Variants in KCNQ1 observed in about 807,000 individuals in gnomAD.
KCNQ1 encodes potassium voltage-gated channel subfamily KQT member 1.
Under a neutral mutation model 72.4 loss-of-function variants are expected in KCNQ1, and 49 were observed. That is an observed-to-expected ratio of 0.68 (90% CI 0.54 to 0.86). KCNQ1 has a LOEUF of 0.86. Among genes scored for constraint, KCNQ1 ranks in the 40% least tolerant of loss-of-function variants. The pLI, the probability that KCNQ1 is intolerant of heterozygous loss-of-function variation, is 0.00. For missense variants in KCNQ1, 790 were observed against 945.1 expected, an observed-to-expected ratio of 0.84 and a Z score of 2.15; for synonymous variants, 450 against 412.6, an observed-to-expected ratio of 1.09 and a Z score of -1.10.
rs568395428 is a variant in KCNQ1 at position 2,498,216 on chromosome 11, C to G, written c.387-29712C>G. Among the ~76,000 whole-genome samples the G allele has an allele frequency of 4.6e-5, 7 of 152,276 alleles. No individual in the cohort carries two copies. The East Asian group carries it at 1.4e-3, about 29-fold the overall frequency. On this transcript the variant is annotated intron_variant, in intron 1 of 15. Coordinates refer to ENST00000155840, the MANE Select transcript of KCNQ1 (RefSeq NM_000218.3). The surrounding 1 kb of genome is among the most constrained non-coding windows in gnomAD (Gnocchi z 4.8). ...TCATGCACTGTGCTGCGAGAATCCCCCTTGTCAGGATCAGCTGCTCTCTTC... is the reference window on the plus strand; with the variant it reads ...TCATGCACTGTGCTGCGAGAATCCCGCTTGTCAGGATCAGCTGCTCTCTTC...
chr11:2,845,749 C>T (rs1848313114), intron 15 of KCNQ1, among the ~76,000 whole-genome samples: 1 of 152,164 alleles, frequency 6.6e-6, no homozygotes, highest in African/African-American at 2.4e-5. Context: ...GAAGTGGGTC[C>T]CCTGGGCTCC....
At chr11:2,776,823 G>C (rs1285957310) in intron 13 of KCNQ1, among the ~76,000 whole-genome samples, 163 bp from the exon 14 acceptor site, 1 of 152,218 alleles carries the variant, frequency 6.6e-6, no homozygotes, top group African/African-American at 2.4e-5. Flanking sequence ...CCCTCTGGGG[G>C]GTTGGGAGTG....
In KCNQ1 at chr11:2,751,514, G is replaced by A. The variant is rs796277667; in HGVS notation, c.1515-17330G>A. On this transcript the variant is annotated intron_variant, in intron 11 of 15. Transcript: ENST00000155840. ...GCGTCTCAGTGCAGAGGGCAGTGGAGGGACAGTGCAGCTCCGAAATGAGCA... is the reference window on the plus strand; with the variant it reads ...GCGTCTCAGTGCAGAGGGCAGTGGAAGGACAGTGCAGCTCCGAAATGAGCA... Among the ~76,000 whole-genome samples, 13 of 152,368 alleles carry A rather than the reference G, an allele frequency of 8.5e-5. No individual in the cohort carries two copies. In the South Asian group the frequency reaches 2.7e-3, roughly 32 times the overall value.
intron 1 of KCNQ1, among the ~76,000 whole-genome samples, chr11:2,469,944 G>A (rs1396093916): frequency 6.6e-6 from 1 of 152,214 alleles, no homozygotes; most frequent in Non-Finnish European, 1.5e-5. Context: ...ACAGGCATGA[G>A]CCACCACGCC....
Position 2,642,972 on chromosome 11 carries a change from GCTC to G in KCNQ1, c.1394-18985_1394-18983del, listed in dbSNP as rs1590000376. ...TCCATTTATTTATACAGTTTTGAAT[GCTC>G]CTCTTATTTATTTATAGTTTTATGC... On this transcript the variant is annotated intron_variant, in intron 10 of 15. Transcript: ENST00000155840. This position sits in a 1 kb window ranked among gnomAD's most constrained non-coding sequence, Gnocchi z 4.3. 7.5e-6 allele frequency: 3 copies of G among 397,796 alleles called. No individual in the cohort carries two copies. In the East Asian group the frequency reaches 1.1e-4, roughly 14 times the overall value. 24.6% of individuals were successfully genotyped at this position (397,796 alleles called of 1,614,324 possible).
In KCNQ1 at chr11:2,571,336, G is replaced by C. The variant is rs748839867; in HGVS notation, c.616G>C (p.Val206Leu). 1 of 1,613,300 alleles carries C rather than the reference G, an allele frequency of 6.2e-7. No individual in the cohort carries two copies. The highest frequency in any genetic ancestry group is 8.5e-7 in the Non-Finnish European group (1 of 1,179,944). ...KPISIIDLIVVVASMVVLCVG... is the reference protein window; with the variant it reads ...KPISIIDLIVLVASMVVLCVG... ...CCTGCACTCCACAGACCTCATCGTG[G>C]TCGTGGCCTCCATGGTGGTCCTCTG... Residue 206 changes from valine to leucine, a missense_variant, in exon 4 of 16, where the codon GTC (valine) becomes CTC (leucine). Around this residue, in one of 5 missense-constraint regions of KCNQ1, gnomAD observed 294 missense variants for 323.3 expected, o/e 0.91. Coordinates refer to ENST00000155840, the MANE Select transcript of KCNQ1 (RefSeq NM_000218.3).
chr11:2,819,062 G>T (rs757188379), intron 15 of KCNQ1, among the ~76,000 whole-genome samples: 21 of 152,218 alleles, frequency 1.4e-4, no homozygotes, highest in Non-Finnish European at 2.5e-4. Context: ...GGGAGATTCT[G>T]CCCTACAGGA....
intron 2 of KCNQ1, among the ~76,000 whole-genome samples, chr11:2,569,689 G>T (rs1451235877): frequency 6.6e-6 from 1 of 152,216 alleles, no homozygotes; most frequent in South Asian, 2.1e-4. Flanking sequence ...CTGCCTGGGC[G>T]CTGGGCTCCA....
At position 2,847,766 on chromosome 11, in the gene KCNQ1, G is replaced by A; in HGVS notation, c.1795-1G>A. 1 of 1,573,782 alleles carries A rather than the reference G, an allele frequency of 6.4e-7. No individual in the cohort carries two copies. The highest frequency in any genetic ancestry group is 8.6e-7 in the Non-Finnish European group (1 of 1,159,154). On this transcript the variant is annotated splice_acceptor_variant, in intron 15 of 15. Transcript: ENST00000155840. LOFTEE classifies it high-confidence loss of function. ...TCTCTCGTCTGCCTTTGTCCCCGCA[G>A]GTGACGCAGCTGGACCAGAGGCTGG...
rs1190964130 is a variant in KCNQ1, at chr11:2,583,415, C to T, written c.922-20C>T. On this transcript the variant is annotated intron_variant, in intron 6 of 15. Transcript: ENST00000155840. ...GGCTCCAGTCCCATCCGTGGCTGAC[C>T]ACTGTCCCTCTCCCTGCAGGTCACA... is the stretch of plus-strand genomic sequence containing the variant. 6.4e-7 allele frequency: 1 copy of T among 1,564,048 alleles called. No homozygotes were observed. Among genetic ancestry groups the T allele is most frequent in the Non-Finnish European group, 8.8e-7 (1 of 1,134,822 alleles).
At position 2,735,992 on chromosome 11, in the gene KCNQ1, C is replaced by T. The variant is rs1845949436; in HGVS notation, c.1515-32852C>T. Among the ~76,000 whole-genome samples, 1 of 152,200 alleles carries T rather than the reference C, an allele frequency of 6.6e-6. No individual in the cohort carries two copies. Among genetic ancestry groups the T allele is most frequent in the Admixed American group, 6.5e-5 (1 of 15,292 alleles). ...CCTTCCTCCAGTGTGTCTGGAGCCC[C>T]TTCCCTGTGTACAAAGGGACAGAGA... On this transcript the variant is annotated intron_variant, in intron 11 of 15. Coordinates refer to ENST00000155840, the MANE Select transcript of KCNQ1 (RefSeq NM_000218.3). The surrounding 1 kb of genome is among the most constrained non-coding windows in gnomAD (Gnocchi z 7.7).
intron 10 of KCNQ1, chr11:2,643,822 C>T (rs1352300363): frequency 3.5e-5 from 14 of 398,402 alleles, no homozygotes; most frequent in Non-Finnish European, 5.8e-5. Flanking sequence ...AAGGGAAATA[C>T]TTTATTTCTC....
At chr11:2,532,642 C>T (rs940957221) in intron 2 of KCNQ1, among the ~76,000 whole-genome samples, 18 of 152,014 alleles carry the variant, frequency 1.2e-4, no homozygotes, top group African/African-American at 4.3e-4. Flanking sequence ...AGGGGGCGCT[C>T]AGGTGGGAGG....
At chr11:2,578,891 C>A (rs936179019) in intron 6 of KCNQ1, among the ~76,000 whole-genome samples, 1 of 152,214 alleles carries the variant, frequency 6.6e-6, no homozygotes, top group Non-Finnish European at 1.5e-5. Context: ...GTCTGCCTGG[C>A]CACTTTCTAA....
rs140993755 is a variant in KCNQ1, at chr11:2,572,770, G to A, written c.781-76G>A. 99 of 1,592,192 alleles carry A rather than the reference G, an allele frequency of 6.2e-5. No homozygotes were observed. The African/African-American group carries it at 1.0e-3, about 16-fold the overall frequency. On this transcript the variant is annotated intron_variant, in intron 5 of 15. Coordinates refer to ENST00000155840, the MANE Select transcript of KCNQ1 (RefSeq NM_000218.3). ...GGACGCCCAGTGATCGCTGGGACTC[G>A]CTGCCTTAGGCGTCTGCACAGGAGG... is the stretch of plus-strand genomic sequence containing the variant.
Position 2,445,363 on chromosome 11 carries a change from C to A in KCNQ1, c.265C>A (p.Pro89Thr), listed in dbSNP as rs759092695. 1 of 1,597,290 alleles carries A rather than the reference C, an allele frequency of 6.3e-7. No individual in the cohort carries two copies. The highest frequency in any genetic ancestry group is 1.1e-5 in the South Asian group (1 of 90,950). ...LGPRPPVSLD[P>T]RVSIYSTRRP... The stretch of plus-strand genomic sequence containing the variant: ...CCCGCGGCCGCCGGTGAGCCTAGAC[C>A]CGCGCGTCTCCATCTACAGCACGCG... Residue 89 changes from proline (P) to threonine (T), a missense_variant, in exon 1 of 16, where the codon CCG becomes ACG. Pro to Thr is a conservative substitution (Grantham distance 38). Transcript: ENST00000155840.
chr11:2,724,580 AC>A lies in KCNQ1; in HGVS notation c.1515-44260del, dbSNP rs1554912950. ...TCACCTAGGAAGGACCCCACTAGGAACCCCTTCCCGCGGAAACACAGCTTCT... is the reference window on the plus strand; with the variant it reads ...TCACCTAGGAAGGACCCCACTAGGAACCCTTCCCGCGGAAACACAGCTTCT... On this transcript the variant is annotated intron_variant, in intron 11 of 15. Transcript: ENST00000155840. This position sits in a 1 kb window ranked among gnomAD's most constrained non-coding sequence, Gnocchi z 6.8. Among the ~76,000 whole-genome samples, 1 of 152,050 alleles carries A rather than the reference AC, an allele frequency of 6.6e-6. No homozygotes were observed. The highest frequency in any genetic ancestry group is 1.5e-5 in the Non-Finnish European group (1 of 67,994).
rs929451706 is a variant in KCNQ1, at chr11:2,659,022, C to T, written c.1394-2939C>T. The stretch of plus-strand genomic sequence containing the variant: ...AAGCAACATATGCCAGCTCCTCCTC[C>T]TCCTTTCCTTTCACTGCTATGTCAT... On this transcript the variant is annotated intron_variant, in intron 10 of 15. Transcript: ENST00000155840. This position sits in a 1 kb window ranked among gnomAD's most constrained non-coding sequence, Gnocchi z 4.3. The T allele has an allele frequency of 5.0e-6, 2 of 398,502 alleles. No homozygotes were observed. The highest frequency in any genetic ancestry group is 8.8e-5 in the Admixed American group (2 of 22,712). The allele number at this position is 398,502 out of a possible 1,614,324, so 24.7% of individuals were successfully genotyped here.
In KCNQ1 at chr11:2,826,040, C is replaced by T. The variant is rs1847832943; in HGVS notation, c.1795-21727C>T. 1.3e-5 allele frequency among the ~76,000 whole-genome samples: 2 copies of T among 152,204 alleles called. No individual in the cohort carries two copies. Among genetic ancestry groups the T allele is most frequent in the African/African-American group, 2.4e-5 (1 of 41,460 alleles). On this transcript the variant is annotated intron_variant, in intron 15 of 15. Coordinates refer to ENST00000155840, the MANE Select transcript of KCNQ1 (RefSeq NM_000218.3). The surrounding 1 kb of genome is among the most constrained non-coding windows in gnomAD (Gnocchi z 4.2). The stretch of plus-strand genomic sequence containing the variant: ...GCCATCCTGGAAACGATTTTGTTGT[C>T]TGCAGAGATTATGTGTAACTGCCTG...
Sources: allele counts gnomAD v4.1 joint callset (sites outside exome capture counted in the v4.1 genomes callset), GRCh38; gene constraint gnomAD v4.1.1; regional missense constraint gnomAD v4.1.1; non-coding constraint Gnocchi (gnomAD v3.1); transcripts MANE v1.5; gene names NCBI Gene and HGNC (gene_info 2026-07-23, HGNC 2026-07-21).